MYOF: variants seen among roughly 807,000 people sequenced by gnomAD.
MYOF encodes fer-1-like 3, myoferlin.
Under a neutral mutation model 284.2 loss-of-function variants are expected in MYOF, and 244 were observed. The observed-to-expected ratio is 0.86, with a 90% CI of 0.77 to 0.95. The LOEUF is 0.95. Ranked by LOEUF, MYOF falls within the 40% of genes least tolerant of loss-of-function variation. The pLI is 0.00. For synonymous variants in MYOF, 904 were observed against 919.7 expected (o/e 0.98, Z 0.31); for missense variants, 2,496 against 2,560.6 (o/e 0.97, Z 0.54).
intron 1 of MYOF, among the ~76,000 whole-genome samples, chr10:93,460,783 A>AG (rs899592034): frequency 1.1e-4 from 1 of 9,076 alleles, no homozygotes; most frequent in Non-Finnish European, 8.1e-4. Context: ...AAAAAAAAAA[A>AG]AAGAAAGAAA....
chr10:93,322,542 A>G (rs1335689865), intron 48 of MYOF, among the ~76,000 whole-genome samples: 3 of 152,234 alleles, frequency 2.0e-5, no homozygotes, highest in Admixed American at 6.5e-5. Context: ...TGAATTAGGC[A>G]AGTAAGAGAA....
chr10:93,403,555 G>C (rs146215887), intron 9 of MYOF, among the ~76,000 whole-genome samples: 269 of 152,322 alleles, frequency 1.8e-3, no homozygotes, highest in African/African-American at 5.9e-3. Flanking sequence ...ATTCCATGTA[G>C]AATTGCTGGG....
rs1844533126 is a variant in MYOF, at chr10:93,351,809, T to C, written c.3519A>G (p.Lys1173=). 1.3e-6 allele frequency: 2 copies of C among 1,587,996 alleles called. No individual in the cohort carries two copies. The highest frequency in any genetic ancestry group is 1.7e-6 in the Non-Finnish European group (2 of 1,174,060). ...GGGTTGAATGGATGATCTCAGTGGT[T>C]TTGCTCCGATGGAGGAAACAGATAT... ...YAHICFLHRS[K]TTEIIHSTLN... Residue 1173 remains lysine, a synonymous_variant, in exon 33 of 54, where the codon AAA becomes AAG. Coordinates refer to ENST00000359263, the MANE Select transcript of MYOF (RefSeq NM_013451.4).
intron 36 of MYOF, 43 bp downstream of exon 36, chr10:93,349,765 T>C (rs757451268): frequency 1.2e-6 from 2 of 1,600,136 alleles, no homozygotes; most frequent in Admixed American, 1.7e-5. Context: ...CATACTTTCA[T>C]ATTTCAACGC....
At chr10:93,478,264 G>A (rs1027170768) in intron 1 of MYOF, 1 of 264,520 alleles carries the variant, frequency 3.8e-6, no homozygotes. Context: ...TCTAATCTCA[G>A]CTAGATTCAG....
intron 24 of MYOF, among the ~76,000 whole-genome samples, chr10:93,372,702 T>A (rs1845646540): frequency 6.6e-6 from 1 of 152,230 alleles, no homozygotes; most frequent in African/African-American, 2.4e-5. Context: ...GCCATGTTTA[T>A]ATTAATGTCA....
chr10:93,457,590 C>G (rs1054880737), intron 1 of MYOF, among the ~76,000 whole-genome samples: 1 of 152,154 alleles, frequency 6.6e-6, no homozygotes, highest in African/African-American at 2.4e-5. Context: ...GATGAGCACA[C>G]GAGCAAATCC....
Position 93,335,926 on chromosome 10 carries a change from A to T in MYOF, c.4558T>A (p.Phe1520Ile), listed in dbSNP as rs1392610821. The T allele has an allele frequency of 2.5e-6, 4 of 1,613,802 alleles. No homozygotes were observed. In the African/African-American group the frequency reaches 5.3e-5, roughly 22 times the overall value. Residue 1520 changes from phenylalanine (F) to isoleucine (I), a missense_variant, in exon 41 of 54, where the codon TTT becomes ATT. Phe to Ile is a conservative substitution (Grantham distance 21). Transcript: ENST00000359263. ...ENEDPSVVGE[F>I]KGSFRIYPLP... ...CCAACACACATCTTACTCACCTTAA[A>T]CTCTCCAACCACAGAAGGATCTTCA...
rs1185608625 is a variant in MYOF, at chr10:93,309,892, G to A, written c.6147+128C>T. ...CATTACTTTAAATTTCCCCAAAGCA[G>A]AAGGGTTACAACCCCATGCTGCTGA... On this transcript the variant is annotated intron_variant, in intron 53 of 53. Transcript: ENST00000359263. The A allele has an allele frequency of 1.1e-5, 13 of 1,137,194 alleles. No individual in the cohort carries two copies. The East Asian group carries it at 3.3e-4, about 29-fold the overall frequency. The allele number at this position is 1,137,194 out of a possible 1,614,324, so 70.4% of individuals were successfully genotyped here.
intron 5 of MYOF, among the ~76,000 whole-genome samples, chr10:93,411,090 A>G (rs1230439222): frequency 6.6e-6 from 1 of 152,266 alleles, no homozygotes; most frequent in Non-Finnish European, 1.5e-5. Context: ...AGCCTTTAGC[A>G]CAGTATCTGG....
chr10:93,430,048 C>T (rs545133451), intron 4 of MYOF, among the ~76,000 whole-genome samples: 25 of 151,712 alleles, frequency 1.6e-4, no homozygotes, highest in African/African-American at 2.9e-4. Context: ...GATTCTTCTG[C>T]CTCAGCCTCC....
intron 10 of MYOF, 123 bp downstream of exon 10, chr10:93,402,737 T>C (rs1589511960): frequency 2.4e-6 from 2 of 848,598 alleles, no homozygotes; most frequent in Admixed American, 5.8e-5. Flanking sequence ...AAAATATTTT[T>C]TAAAAAATTC....
intron 3 of MYOF, among the ~76,000 whole-genome samples, chr10:93,448,080 C>A (rs761164712): frequency 6.6e-6 from 1 of 152,160 alleles, no homozygotes; most frequent in Non-Finnish European, 1.5e-5. Flanking sequence ...CTCCTTCCTG[C>A]ACTTTCAACC....
At chr10:93,385,206 G>T (rs1846307113) in intron 19 of MYOF, among the ~76,000 whole-genome samples, 1 of 152,168 alleles carries the variant, frequency 6.6e-6, no homozygotes, top group Non-Finnish European at 1.5e-5. Context: ...TCCTTTAGTG[G>T]CAGGGCAGAG....
At chr10:93,331,815 T>C (rs1287894016) in intron 43 of MYOF, among the ~76,000 whole-genome samples, 1 of 151,978 alleles carries the variant, frequency 6.6e-6, no homozygotes, top group African/African-American at 2.4e-5. Flanking sequence ...AAGAAGCATA[T>C]GGGCAAGATA....
At chr10:93,344,207 CA>C (rs1423120224) in intron 37 of MYOF, among the ~76,000 whole-genome samples, 5 of 152,162 alleles carry the variant, frequency 3.3e-5, no homozygotes, top group Admixed American at 1.3e-4. Flanking sequence ...AGAAAGTGCT[CA>C]AAAAACAATT....
At chr10:93,435,705 C>T (rs565567524) in intron 3 of MYOF, among the ~76,000 whole-genome samples, 18 of 152,158 alleles carry the variant, frequency 1.2e-4, no homozygotes, top group Admixed American at 2.6e-4. Flanking sequence ...TCACACCTGT[C>T]ATCTCACCAC....
intron 32 of MYOF, 108 bp from the exon 33 acceptor site, chr10:93,351,954 C>G: frequency 9.5e-7 from 1 of 1,052,148 alleles, no homozygotes; most frequent in Non-Finnish European, 1.3e-6. Context: ...ACAGTGGGCT[C>G]TGACCACCTG....
chr10:93,325,934 C>G lies in MYOF; in HGVS notation c.5163G>C (p.Gly1721=). 2 of 1,613,996 alleles carry G rather than the reference C, an allele frequency of 1.2e-6. No homozygotes were observed. The highest frequency in any genetic ancestry group is 1.7e-6 in the Non-Finnish European group (2 of 1,180,012). ...EANKILHQHL[G]APEERLALHI... Reference sequence around the variant, plus strand: ...GAAGAGCAAGCCGCTCTTCAGGGGCCCCGAGGTGCTGGTGCAGGATTTTGT... The same window carrying G: ...GAAGAGCAAGCCGCTCTTCAGGGGCGCCGAGGTGCTGGTGCAGGATTTTGT... Residue 1721 remains glycine (G), a synonymous_variant, in exon 46 of 54, where the codon GGG becomes GGC. Coordinates refer to ENST00000359263, the MANE Select transcript of MYOF (RefSeq NM_013451.4).
Sources: allele counts gnomAD v4.1 joint callset (sites outside exome capture counted in the v4.1 genomes callset), GRCh38; gene constraint gnomAD v4.1.1; transcripts MANE v1.5; gene names NCBI Gene and HGNC (gene_info 2026-07-23, HGNC 2026-07-21).